PCDHGA1: variants seen among roughly 807,000 people sequenced by gnomAD.
PCDHGA1 encodes the protein protocadherin gamma-A1.
PCDHGA1 carries 32 observed loss-of-function variants against 58.0 expected under a neutral mutation model. The observed-to-expected ratio is 0.55, with a 90% CI of 0.42 to 0.74. The LOEUF is 0.74. PCDHGA1 is among the 30% of genes least tolerant of loss of function. The probability of loss-of-function intolerance (pLI) is 0.00; values close to 1 mark genes in which losing one functional copy is unlikely to be tolerated. For synonymous variants in PCDHGA1, 498 were observed against 501.1 expected (o/e 0.99, Z 0.08); for missense variants, 1,205 against 1,182.3 (o/e 1.02, Z -0.28).
At chr5:141,364,613 C>A in intron 1 of PCDHGA1, 1 of 1,614,170 alleles carries the variant, frequency 6.2e-7, no homozygotes, top group Admixed American at 1.7e-5. Context: ...CCGGGAGGAG[C>A]TCTGCGCTCA....
chr5:141,415,277 T>A lies in PCDHGA1; in HGVS notation c.2422-79530T>A, dbSNP rs533281226. 42 of 1,614,216 alleles carry A rather than the reference T, an allele frequency of 2.6e-5. No individual in the cohort carries two copies. In the South Asian group the frequency reaches 4.4e-4, roughly 17 times the overall value. On this transcript the variant is annotated intron_variant, in intron 1 of 3. Coordinates refer to ENST00000517417, the MANE Select transcript of PCDHGA1 (RefSeq NM_018912.3). Reference sequence around the variant, plus strand: ...CTCACTCTGTACCTGGTGGTAGCGGTGGCCGCGGTCTCCTGCGTCTTCCTG... The same window carrying A: ...CTCACTCTGTACCTGGTGGTAGCGGAGGCCGCGGTCTCCTGCGTCTTCCTG...
At chr5:141,409,163 G>A in intron 1 of PCDHGA1, 1 of 1,614,026 alleles carries the variant, frequency 6.2e-7, no homozygotes. Context: ...GGAAGTGGAA[G>A]CGAAGGACGG....
intron 2 of PCDHGA1, among the ~76,000 whole-genome samples, chr5:141,502,431 G>A (rs998074347): frequency 1.3e-5 from 2 of 151,948 alleles, no homozygotes; most frequent in African/African-American, 4.8e-5. Context: ...TTCTCTGATG[G>A]TTAGATTCAG....
intron 1 of PCDHGA1, chr5:141,393,090 G>T: frequency 6.2e-7 from 1 of 1,613,626 alleles, no homozygotes; most frequent in South Asian, 1.1e-5. Flanking sequence ...GATAGATCGG[G>T]AGGAGCTCTG....
At chr5:141,376,815 T>C in intron 1 of PCDHGA1, 1 of 299,046 alleles carries the variant, frequency 3.3e-6, no homozygotes, top group Admixed American at 4.9e-5. Context: ...GCCTCCCTAG[T>C]AGCTGGGACT....
At chr5:141,453,482 A>T (rs979979155) in intron 1 of PCDHGA1, among the ~76,000 whole-genome samples, 1 of 151,990 alleles carries the variant, frequency 6.6e-6, no homozygotes, top group Non-Finnish European at 1.5e-5. Context: ...CAAAACTATT[A>T]AAAAAAGGTG....
chr5:141,385,150 C>A (rs1780929292), intron 1 of PCDHGA1: 1 of 1,614,104 alleles, frequency 6.2e-7, no homozygotes, highest in South Asian at 1.1e-5. Flanking sequence ...GGCTTTCCTG[C>A]AGACCTATTC....
At chr5:141,469,885 C>A (rs1464434089) in intron 1 of PCDHGA1, among the ~76,000 whole-genome samples, 3 of 152,204 alleles carry the variant, frequency 2.0e-5, no homozygotes, top group African/African-American at 4.8e-5. Context: ...AATCTCGGCA[C>A]TTTGGGAAGC....
intron 1 of PCDHGA1, chr5:141,372,888 T>C: frequency 8.5e-7 from 1 of 1,177,756 alleles, no homozygotes; most frequent in South Asian, 1.6e-5. Context: ...AGAATACAGA[T>C]TAAATATTCC....
At chr5:141,426,625 A>G (rs770683989) in intron 1 of PCDHGA1, 29 of 394,754 alleles carry the variant, frequency 7.3e-5, no homozygotes, top group South Asian at 7.2e-5. Context: ...AATCCTCTAA[A>G]TGTTTTTCAC....
intron 1 of PCDHGA1, among the ~76,000 whole-genome samples, chr5:141,387,169 T>C (rs1428422324): frequency 4.6e-5 from 7 of 152,140 alleles, no homozygotes; most frequent in East Asian, 1.9e-4. Flanking sequence ...TAAGTATAAA[T>C]TGCACCTTCT....
intron 1 of PCDHGA1, chr5:141,400,524 GGTGA>G (rs1307110266): frequency 1.2e-6 from 2 of 1,613,920 alleles, no homozygotes; most frequent in Admixed American, 3.3e-5. Context: ...ATCCTGAGTT[GGTGA>G]GTTTCATTTA....
chr5:141,485,070 G>T lies in PCDHGA1; in HGVS notation c.2422-9737G>T. ...CGCCGGCCGAACCGCGCCAGAGCTG[G>T]CGCGGGGAAAGGGAGATAGGTGTCT... On this transcript the variant is annotated intron_variant, in intron 1 of 3. Coordinates refer to ENST00000517417, the MANE Select transcript of PCDHGA1 (RefSeq NM_018912.3). This position sits in a 1 kb window ranked among gnomAD's most constrained non-coding sequence, Gnocchi z 5.7. 1.1e-6 allele frequency: 1 copy of T among 908,406 alleles called. No individual in the cohort carries two copies. Among genetic ancestry groups the T allele is most frequent in the East Asian group, 2.4e-5 (1 of 41,326 alleles). 56.3% of individuals were successfully genotyped at this position (908,406 alleles called of 1,614,324 possible).
At chr5:141,484,889 TC>T (rs1312115219) in intron 1 of PCDHGA1, 2 of 362,958 alleles carry the variant, frequency 5.5e-6, no homozygotes, top group Admixed American at 8.9e-5. Flanking sequence ...GTGGGCTTTT[TC>T]CCCTCCAATG....
At chr5:141,492,191 G>A (rs996614987) in intron 1 of PCDHGA1, among the ~76,000 whole-genome samples, 1 of 152,204 alleles carries the variant, frequency 6.6e-6, no homozygotes, top group African/African-American at 2.4e-5. Context: ...ACCTGTCTGC[G>A]GGACTTAGGT....
intron 1 of PCDHGA1, chr5:141,345,630 A>G: frequency 6.2e-7 from 1 of 1,614,206 alleles, no homozygotes; most frequent in Non-Finnish European, 8.5e-7. Context: ...GCTACTGGTG[A>G]CAGCCAGCGA....
At chr5:141,428,147 G>C (rs771536400) in intron 1 of PCDHGA1, 1 of 1,589,612 alleles carries the variant, frequency 6.3e-7, no homozygotes, top group Admixed American at 1.7e-5. Flanking sequence ...GGCTGCACAC[G>C]GGAACCTGCT....
Position 141,485,875 on chromosome 5 carries a change from C to T in PCDHGA1, c.2422-8932C>T, listed in dbSNP as rs1254918181. The T allele has an allele frequency of 1.9e-6, 3 of 1,614,150 alleles. No homozygotes were observed. The highest frequency in any genetic ancestry group is 2.2e-5 in the East Asian group (1 of 44,862). On this transcript the variant is annotated intron_variant, in intron 1 of 3. Transcript: ENST00000517417. This position sits in a 1 kb window ranked among gnomAD's most constrained non-coding sequence, Gnocchi z 5.7. ...CAGAGCTCCGGGTATCCGTGCTGGACGTAAACGACAACGCCCCAGCCTTCC... is the reference window on the plus strand; with the variant it reads ...CAGAGCTCCGGGTATCCGTGCTGGATGTAAACGACAACGCCCCAGCCTTCC...
At chr5:141,404,769 A>G in intron 1 of PCDHGA1, 2 of 1,611,124 alleles carry the variant, frequency 1.2e-6, no homozygotes, top group Non-Finnish European at 1.7e-6. Flanking sequence ...TGGCTCTCCT[A>G]CCGCCTATTC....
Sources: gnomAD v4.1 joint callset for allele counts (sites outside exome capture counted in the v4.1 genomes callset) on GRCh38, gnomAD v4.1.1 for gene constraint, Gnocchi (gnomAD v3.1) non-coding constraint, MANE v1.5 for transcripts, NCBI Gene and HGNC (gene_info 2026-07-23, HGNC 2026-07-21) for gene names.